GRM3: variants seen among roughly 807,000 people sequenced by gnomAD.
The protein encoded by GRM3 is metabotropic glutamate receptor 3.
GRM3 carries 26 observed loss-of-function variants against 70.5 expected under a neutral mutation model. The ratio of observed to expected loss-of-function variants is 0.37; its 90% confidence interval spans 0.27 to 0.51. The LOEUF (loss-of-function observed/expected upper bound fraction) is 0.51, where lower values mean the gene tolerates loss of function less well. GRM3 is among the 20% of genes least tolerant of loss of function. The pLI is 0.93. For missense variants in GRM3, 859 were observed against 1,123.8 expected, an observed-to-expected ratio of 0.76 and a Z score of 3.37; for synonymous variants, 443 against 434.9, an observed-to-expected ratio of 1.02 and a Z score of -0.23.
rs535203430 is a variant in GRM3, at chr7:86,664,372, T to C, written c.-141+19500T>C. ...TCGGTTAGGAATATTAGATACCATC[T>C]TGATGTGTTTACAGTTGTTCAGGAC... On this transcript the variant is annotated intron_variant, in intron 1 of 5. Transcript: ENST00000361669. 2.5e-4 allele frequency among the ~76,000 whole-genome samples: 38 copies of C among 152,092 alleles called. 1 individual carries two copies. The South Asian group carries it at 7.9e-3, about 32-fold the overall frequency.
chr7:86,723,423 A>T (rs1440050298), intron 1 of GRM3, among the ~76,000 whole-genome samples: 6 of 152,092 alleles, frequency 3.9e-5, no homozygotes, highest in Non-Finnish European at 8.8e-5. Flanking sequence ...CTGCCAGAAA[A>T]TTTTTTAAAT....
chr7:86,864,253 T>A, intron 5 of GRM3, 29 bp from the exon 6 acceptor site: 1 of 1,144,024 alleles, frequency 8.7e-7, no homozygotes, highest in Non-Finnish European at 1.3e-6. Context: ...TGACTAACTT[T>A]GAGTTTTCTG....
In GRM3 at chr7:86,717,945, T is replaced by TAA. The variant is rs11403810; in HGVS notation, c.-140-47052_-140-47051dup. On this transcript the variant is annotated intron_variant, in intron 1 of 5. Transcript: ENST00000361669. ...TAAGTAGAAAATACAGTATCAGCTT[T>TAA]AAAAAAAAAATGCCTCACTAAGGGT... 5.9e-4 allele frequency among the ~76,000 whole-genome samples: 89 copies of TAA among 149,956 alleles called. 1 individual carries two copies. The highest frequency in any genetic ancestry group is 2.1e-3 in the South Asian group (10 of 4,734).
chr7:86,782,327 TG>T (rs199563599), intron 2 of GRM3, among the ~76,000 whole-genome samples: 5,460 of 124,830 alleles, frequency 0.044, 312 homozygotes, highest in African/African-American at 0.2. Flanking sequence ...GATTATGGGG[TG>T]GTTTTTTTTT....
intron 3 of GRM3, among the ~76,000 whole-genome samples, chr7:86,810,443 A>C (rs1005896566): frequency 7.9e-5 from 12 of 152,006 alleles, no homozygotes; most frequent in Non-Finnish European, 1.8e-4. Context: ...ACCTCATGTC[A>C]TCGGGAGTTT....
At chr7:86,841,608 G>GTAGT (rs1798560733) in intron 4 of GRM3, among the ~76,000 whole-genome samples, 1 of 152,078 alleles carries the variant, frequency 6.6e-6, no homozygotes, top group South Asian at 2.1e-4. Context: ...GGACTGCAAA[G>GTAGT]TAGTTATAAT....
intron 5 of GRM3, among the ~76,000 whole-genome samples, chr7:86,852,165 G>A (rs1798766620): frequency 6.6e-6 from 1 of 152,124 alleles, no homozygotes; most frequent in African/African-American, 2.4e-5. Flanking sequence ...GCCTCTTCCA[G>A]ACAGCAAGCT....
chr7:86,837,486 G>A (rs1416891969), intron 3 of GRM3, among the ~76,000 whole-genome samples: 2 of 152,206 alleles, frequency 1.3e-5, no homozygotes, highest in African/African-American at 2.4e-5. Flanking sequence ...TCCATAGTAT[G>A]GAAGTAGCTG....
chr7:86,727,427 G>A (rs1440139664), intron 1 of GRM3, among the ~76,000 whole-genome samples: 1 of 152,094 alleles, frequency 6.6e-6, no homozygotes, highest in Non-Finnish European at 1.5e-5. Flanking sequence ...TCAGAAAAGG[G>A]AATTAGTGAC....
At chr7:86,814,147 C>G (rs1237343077) in intron 3 of GRM3, among the ~76,000 whole-genome samples, 1 of 151,842 alleles carries the variant, frequency 6.6e-6, no homozygotes, top group Non-Finnish European at 1.5e-5. Flanking sequence ...TTTAATGGCT[C>G]TGTTGCGGTC....
At chr7:86,706,556 C>T (rs1584181404) in intron 1 of GRM3, among the ~76,000 whole-genome samples, 1 of 151,926 alleles carries the variant, frequency 6.6e-6, no homozygotes, top group Non-Finnish European at 1.5e-5. Flanking sequence ...AGTGGTAAAA[C>T]AGAGGACACT....
At chr7:86,740,480 G>C (rs996164494) in intron 1 of GRM3, among the ~76,000 whole-genome samples, 1 of 152,104 alleles carries the variant, frequency 6.6e-6, no homozygotes, top group Non-Finnish European at 1.5e-5. Flanking sequence ...ATTTCAAAGA[G>C]CAAGTCTGGC....
At chr7:86,845,978 T>C (rs1474582629) in intron 4 of GRM3, among the ~76,000 whole-genome samples, 1 of 152,164 alleles carries the variant, frequency 6.6e-6, no homozygotes. Context: ...TTGCTTCTTT[T>C]TGATACAAAA....
intron 3 of GRM3, 43 bp from the exon 4 acceptor site, chr7:86,838,796 C>T: frequency 3.5e-6 from 4 of 1,156,024 alleles, no homozygotes; most frequent in Non-Finnish European, 5.0e-6. Flanking sequence ...CGTAAGACAC[C>T]TAAACAAGTG....
intron 2 of GRM3, among the ~76,000 whole-genome samples, chr7:86,766,957 T>C (rs1796614234): frequency 6.6e-6 from 1 of 152,168 alleles, no homozygotes; most frequent in African/African-American, 2.4e-5. Flanking sequence ...ATGCCTGTAA[T>C]CTCAGCACTT....
At chr7:86,704,199 A>C (rs751355647) in intron 1 of GRM3, among the ~76,000 whole-genome samples, 1 of 151,896 alleles carries the variant, frequency 6.6e-6, no homozygotes, top group African/African-American at 2.4e-5. Context: ...TCATTTCTTC[A>C]TTGGCATTCA....
At chr7:86,713,111 GC>G (rs1795236035) in intron 1 of GRM3, among the ~76,000 whole-genome samples, 1 of 151,920 alleles carries the variant, frequency 6.6e-6, no homozygotes, top group African/African-American at 2.4e-5. Flanking sequence ...CAAGGGTTCT[GC>G]TTTTTATATA....
chr7:86,824,241 AAAG>A (rs1798187030), intron 3 of GRM3, among the ~76,000 whole-genome samples: 2 of 152,228 alleles, frequency 1.3e-5, no homozygotes, highest in African/African-American at 4.8e-5. Context: ...GATGGTGGGA[AAAG>A]AAGGAAGTTA....
chr7:86,789,966 G>A (rs543951440), intron 3 of GRM3, among the ~76,000 whole-genome samples: 24 of 152,054 alleles, frequency 1.6e-4, no homozygotes, highest in Admixed American at 1.2e-3. Context: ...ATCTCTCCTG[G>A]CACAGGAGCT....
Sources: gnomAD v4.1 joint callset for allele counts (sites outside exome capture counted in the v4.1 genomes callset) on GRCh38, gnomAD v4.1.1 for gene constraint, MANE v1.5 for transcripts, NCBI Gene and HGNC (gene_info 2026-07-23, HGNC 2026-07-21) for gene names.